The following MMS22L variants were observed in gnomAD, a reference collection of about 807,000 sequenced individuals.
MMS22L encodes the protein MMS22 like, DNA repair protein.
A neutral mutation model predicts 159.1 loss-of-function variants in MMS22L; 74 were observed. The observed-to-expected ratio is 0.47, with a 90% CI of 0.39 to 0.56. The LOEUF is 0.56. MMS22L is among the 20% of genes least tolerant of loss of function. The pLI is 0.00. For missense variants in MMS22L, 1,351 were observed against 1,422.1 expected (o/e 0.95, Z 0.80); for synonymous variants, 517 against 506.9 (o/e 1.02, Z -0.27).
chr6:97,273,565 G>A (rs1815968197), intron 4 of MMS22L, among the ~76,000 whole-genome samples: 1 of 152,104 alleles, frequency 6.6e-6, no homozygotes. Context: ...CAGACCTTCC[G>A]TGTTAAACTG....
At chr6:97,279,411 G>C (rs1374682709) in intron 3 of MMS22L, among the ~76,000 whole-genome samples, 1 of 151,902 alleles carries the variant, frequency 6.6e-6, no homozygotes, top group African/African-American at 2.4e-5. Flanking sequence ...GTGAACCCAG[G>C]AGCTGGAGCT....
At chr6:97,201,923 A>G (rs1214109981) in intron 14 of MMS22L, among the ~76,000 whole-genome samples, 1 of 152,204 alleles carries the variant, frequency 6.6e-6, no homozygotes, top group Non-Finnish European at 1.5e-5. Flanking sequence ...CTATGTGTTT[A>G]AGATAAATAT....
In MMS22L at chr6:97,173,157, G is replaced by A. The variant is rs139062728; in HGVS notation, c.2745C>T (p.Ser915=). ...LSDKSAMVTK[S]LEYLGEVLKY... ...TTAATACTTCACCAAGGTATTCCAA[G>A]GACTTTGTGACCATGGCAGATTTAT... The change falls in exon 19 of 25, where the codon TCC becomes TCT. Residue 915 remains serine, a synonymous_variant. Coordinates refer to ENST00000683635, the MANE Select transcript of MMS22L (RefSeq NM_001350599.2). 4.6e-5 allele frequency: 75 copies of A among 1,613,560 alleles called. No individual in the cohort carries two copies. The Middle Eastern group carries it at 1.5e-3, about 32-fold the overall frequency.
chr6:97,236,718 A>G (rs960242690), intron 11 of MMS22L, among the ~76,000 whole-genome samples: 1 of 152,070 alleles, frequency 6.6e-6, no homozygotes, highest in African/African-American at 2.4e-5. Flanking sequence ...TTGGGAGGCC[A>G]AGGAGGGCAG....
chr6:97,224,481 A>G (rs1810003946), intron 14 of MMS22L, among the ~76,000 whole-genome samples: 1 of 152,062 alleles, frequency 6.6e-6, no homozygotes, highest in Admixed American at 6.6e-5. Flanking sequence ...TACTAAAAAA[A>G]TCAAAGACAA....
At chr6:97,167,658 T>C (rs978549753) in intron 20 of MMS22L, among the ~76,000 whole-genome samples, 3 of 152,046 alleles carry the variant, frequency 2.0e-5, no homozygotes, top group African/African-American at 7.2e-5. Flanking sequence ...AACAGAACCA[T>C]TCTATATTTT....
chr6:97,205,664 GA>G (rs1318872302), intron 14 of MMS22L, among the ~76,000 whole-genome samples: 2 of 152,120 alleles, frequency 1.3e-5, no homozygotes, highest in African/African-American at 4.8e-5. Context: ...AGAAACACTT[GA>G]AAAAGCAACA....
At chr6:97,275,134 T>C (rs938045399) in intron 4 of MMS22L, among the ~76,000 whole-genome samples, 2 of 152,222 alleles carry the variant, frequency 1.3e-5, no homozygotes, top group Non-Finnish European at 2.9e-5. Flanking sequence ...AATGTTCATC[T>C]AACAATAAAA....
intron 16 of MMS22L, among the ~76,000 whole-genome samples, chr6:97,180,569 A>G (rs1450246173): frequency 6.6e-6 from 1 of 152,250 alleles, no homozygotes; most frequent in African/African-American, 2.4e-5. Flanking sequence ...AAAAAAGGAC[A>G]CAATGAAGAA....
At chr6:97,153,112 GATT>G (rs1159489168) in intron 22 of MMS22L, among the ~76,000 whole-genome samples, 2 of 151,828 alleles carry the variant, frequency 1.3e-5, no homozygotes, top group Non-Finnish European at 2.9e-5. Flanking sequence ...AAAGCACTGG[GATT>G]ACATGTGTGA....
At chr6:97,246,351 G>A (rs1249067828) in intron 11 of MMS22L, among the ~76,000 whole-genome samples, 1 of 152,140 alleles carries the variant, frequency 6.6e-6, no homozygotes, top group Non-Finnish European at 1.5e-5. Context: ...ATATCATACA[G>A]TCAAGGAATG....
chr6:97,156,257 C>A (rs1334826155), intron 22 of MMS22L, among the ~76,000 whole-genome samples: 1 of 152,116 alleles, frequency 6.6e-6, no homozygotes, highest in Non-Finnish European at 1.5e-5. Context: ...CAAAAATTTT[C>A]TCTCATTCTG....
Position 97,162,166 on chromosome 6 carries a change from C to T in MMS22L, c.3222-1G>A. 1 of 1,584,958 alleles carries T rather than the reference C, an allele frequency of 6.3e-7. No individual in the cohort carries two copies. Among genetic ancestry groups the T allele is most frequent in the Non-Finnish European group, 8.5e-7 (1 of 1,171,300 alleles). On this transcript the variant is annotated splice_acceptor_variant, in intron 21 of 24. Transcript: ENST00000683635. LOFTEE classifies it high-confidence loss of function. ...CCCCTTATACTCAAGGTAGGATTTC[C>T]TGAAAAGAAGCAAAATTTGTTTATT...
intron 18 of MMS22L, among the ~76,000 whole-genome samples, chr6:97,176,701 T>C (rs1804157047): frequency 6.6e-6 from 1 of 152,148 alleles, no homozygotes; most frequent in Non-Finnish European, 1.5e-5. Context: ...CCCTGGCAGG[T>C]AGTGTTTCAC....
intron 22 of MMS22L, among the ~76,000 whole-genome samples, chr6:97,154,539 A>G (rs966341943): frequency 5.9e-5 from 9 of 152,184 alleles, no homozygotes; most frequent in African/African-American, 2.2e-4. Context: ...GAGGTCATGA[A>G]GATTTTTTTC....
intron 14 of MMS22L, among the ~76,000 whole-genome samples, chr6:97,199,490 T>C (rs1562449992): frequency 1.3e-5 from 2 of 152,138 alleles, no homozygotes; most frequent in African/African-American, 2.4e-5. Flanking sequence ...TGTGAACAGA[T>C]TGTACCAATG....
intron 10 of MMS22L, 104 bp from the exon 11 acceptor site, chr6:97,246,794 A>T (rs773765931): frequency 1.4e-6 from 1 of 700,642 alleles, no homozygotes; most frequent in Non-Finnish European, 2.4e-6. Context: ...TTCCTCTATC[A>T]TTCAGCATCA....
intron 18 of MMS22L, among the ~76,000 whole-genome samples, chr6:97,174,074 G>A (rs1332962197): frequency 6.6e-6 from 1 of 151,872 alleles, no homozygotes; most frequent in African/African-American, 2.4e-5. Context: ...CCAACATGGT[G>A]AAACCCCATC....
chr6:97,158,751 T>A (rs139505031), intron 22 of MMS22L, among the ~76,000 whole-genome samples: 2 of 152,304 alleles, frequency 1.3e-5, no homozygotes, highest in African/African-American at 4.8e-5. Context: ...ATTTTTAGAA[T>A]AAGTGCGATG....
Sources: allele counts gnomAD v4.1 joint callset (sites outside exome capture counted in the v4.1 genomes callset), GRCh38; gene constraint gnomAD v4.1.1; transcripts MANE v1.5; gene names NCBI Gene and HGNC (gene_info 2026-07-23, HGNC 2026-07-21).